Variants in CNTNAP2 observed in about 807,000 individuals in gnomAD.
The protein encoded by CNTNAP2 is contactin associated protein 2.
A neutral mutation model predicts 155.2 loss-of-function variants in CNTNAP2; 98 were observed. The observed-to-expected ratio is 0.63, with a 90% CI of 0.54 to 0.75. The LOEUF (loss-of-function observed/expected upper bound fraction) is 0.75, where lower values mean the gene tolerates loss of function less well. Among genes scored for constraint, CNTNAP2 ranks in the 30% least tolerant of loss-of-function variants. The pLI is 0.00. For synonymous variants in CNTNAP2, 651 were observed against 631.2 expected, an observed-to-expected ratio of 1.03 and a Z score of -0.47; for missense variants, 1,727 against 1,688.1, an observed-to-expected ratio of 1.02 and a Z score of -0.40.
At chr7:146,301,638 A>G (rs1380456492) in intron 1 of CNTNAP2, among the ~76,000 whole-genome samples, 2 of 151,502 alleles carry the variant, frequency 1.3e-5, no homozygotes, top group East Asian at 3.9e-4. Flanking sequence ...CAATAACAAC[A>G]ACAACAACAA....
chr7:146,679,088 A>G (rs1199996924), intron 1 of CNTNAP2, among the ~76,000 whole-genome samples: 2 of 152,112 alleles, frequency 1.3e-5, no homozygotes, highest in African/African-American at 2.4e-5. Context: ...GGCCTGTTGT[A>G]TAGATTATTT....
Position 146,116,953 on chromosome 7 carries a change from G to A in CNTNAP2, c.77G>A (p.Trp26Ter). ...WIVSSCLCRA[W>*]TAPSTSQKCD... ...GTCAGCAGCTGCCTCTGCAGAGCCT[G>A]GACGGCTCCCTCCACGTCCCGTAAG... Residue 26 changes from tryptophan (W) to a stop codon, truncating the protein, a stop_gained, in exon 1 of 24, where the codon TGG becomes TAG. Transcript: ENST00000361727. LOFTEE classifies it high-confidence loss of function. The surrounding 1 kb of genome is among the most constrained non-coding windows in gnomAD (Gnocchi z 5.5). The A allele has an allele frequency of 6.4e-7, 1 of 1,552,004 alleles. No individual in the cohort carries two copies. Among genetic ancestry groups the A allele is most frequent in the East Asian group, 2.4e-5 (1 of 41,012 alleles).
chr7:147,801,654 C>A (rs1171160190), intron 13 of CNTNAP2, among the ~76,000 whole-genome samples: 3 of 152,128 alleles, frequency 2.0e-5, no homozygotes, highest in African/African-American at 7.2e-5. Context: ...GGTCACCAAT[C>A]AACAGGATCC....
intron 1 of CNTNAP2, among the ~76,000 whole-genome samples, chr7:146,686,785 A>G (rs1052531321): frequency 3.3e-5 from 5 of 152,144 alleles, no homozygotes; most frequent in African/African-American, 1.2e-4. Context: ...AATGGCATAT[A>G]CAATTTCTAT....
chr7:148,245,737 A>T (rs1796250080), intron 20 of CNTNAP2, among the ~76,000 whole-genome samples: 1 of 152,186 alleles, frequency 6.6e-6, no homozygotes, highest in African/African-American at 2.4e-5. Context: ...AGGCTTCTGT[A>T]CTGAGAATTC....
At position 147,130,238 on chromosome 7, in the gene CNTNAP2, ACC is replaced by A. The variant is rs529923639; in HGVS notation, c.1083+1403_1083+1404del. Among the ~76,000 whole-genome samples, 561 of 152,200 alleles carry A rather than the reference ACC, an allele frequency of 3.7e-3. 4 individuals carry two copies. Among genetic ancestry groups the A allele is most frequent in the African/African-American group, 0.013 (543 of 41,534 alleles). On this transcript the variant is annotated intron_variant, in intron 7 of 23. Transcript: ENST00000361727. ...AGACCAGCCTGGGCAACATAGTGAGACCATGTCTCTACAACAAGTTAAGAAAA... is the reference window on the plus strand; with the variant it reads ...AGACCAGCCTGGGCAACATAGTGAGAATGTCTCTACAACAAGTTAAGAAAA...
chr7:147,766,224 A>T (rs1797381463), intron 13 of CNTNAP2, among the ~76,000 whole-genome samples: 1 of 152,206 alleles, frequency 6.6e-6, no homozygotes, highest in Admixed American at 6.5e-5. Context: ...TATGTAAATT[A>T]CACTTCAATA....
chr7:147,731,103 A>G (rs1246246074), intron 13 of CNTNAP2, among the ~76,000 whole-genome samples: 8 of 152,156 alleles, frequency 5.3e-5, no homozygotes, highest in Non-Finnish European at 1.2e-4. Flanking sequence ...TGAAAGTGCA[A>G]GGTGAAACAG....
At chr7:147,482,818 G>A (rs1271791509) in intron 10 of CNTNAP2, among the ~76,000 whole-genome samples, 1 of 152,022 alleles carries the variant, frequency 6.6e-6, no homozygotes, top group Non-Finnish European at 1.5e-5. Context: ...GGCTGAGGTG[G>A]GTGAATCACT....
chr7:147,726,554 C>G (rs1221460270), intron 13 of CNTNAP2, among the ~76,000 whole-genome samples: 1 of 151,954 alleles, frequency 6.6e-6, no homozygotes, highest in African/African-American at 2.4e-5. Context: ...CAAGAGCTGA[C>G]CAATAACTGC....
intron 15 of CNTNAP2, among the ~76,000 whole-genome samples, chr7:148,021,378 A>G (rs77348847): frequency 0.011 from 1,669 of 152,318 alleles, 13 homozygotes; most frequent in Non-Finnish European, 0.018. Context: ...TAAGTAAAAT[A>G]AAATGTGAGC....
At chr7:146,505,317 C>A (rs1433354814) in intron 1 of CNTNAP2, among the ~76,000 whole-genome samples, 1 of 152,168 alleles carries the variant, frequency 6.6e-6, no homozygotes, top group African/African-American at 2.4e-5. Context: ...AACCTATGGT[C>A]TAAATGACAA....
chr7:146,498,572 C>T (rs921204748), intron 1 of CNTNAP2, among the ~76,000 whole-genome samples: 9 of 151,834 alleles, frequency 5.9e-5, no homozygotes, highest in African/African-American at 9.7e-5. Flanking sequence ...TTTTCAATTC[C>T]GTTTACAATC....
In CNTNAP2 at chr7:146,562,121, C is replaced by G. The variant is rs180934216; in HGVS notation, c.98-212150C>G. Among the ~76,000 whole-genome samples, 557 of 152,232 alleles carry G rather than the reference C, an allele frequency of 3.7e-3. 2 individuals carry two copies. The highest frequency in any genetic ancestry group is 0.013 in the African/African-American group (527 of 41,560). ...ATTTTTGAATCTCCTTAACTTGTTT[C>G]TAAATCACCACTCTTATTTCCACTG... On this transcript the variant is annotated intron_variant, in intron 1 of 23. Coordinates refer to ENST00000361727, the MANE Select transcript of CNTNAP2 (RefSeq NM_014141.6).
intron 9 of CNTNAP2, among the ~76,000 whole-genome samples, chr7:147,312,469 T>A (rs930472258): frequency 7.4e-6 from 1 of 135,998 alleles, no homozygotes; most frequent in Admixed American, 7.7e-5. Flanking sequence ...TGTCCATGTG[T>A]TCTCATTGTT....
chr7:148,264,914 C>T (rs1796640071), intron 20 of CNTNAP2, among the ~76,000 whole-genome samples: 1 of 152,012 alleles, frequency 6.6e-6, no homozygotes, highest in Non-Finnish European at 1.5e-5. Context: ...AGGATGGTCT[C>T]GATCTCTTGA....
intron 3 of CNTNAP2, among the ~76,000 whole-genome samples, chr7:146,892,404 C>T (rs1233437759): frequency 6.6e-6 from 1 of 152,084 alleles, no homozygotes; most frequent in Non-Finnish European, 1.5e-5. Flanking sequence ...GCCACAAAGC[C>T]AGCTCAGTTT....
At chr7:147,419,139 T>C (rs1486525666) in intron 10 of CNTNAP2, among the ~76,000 whole-genome samples, 1 of 152,150 alleles carries the variant, frequency 6.6e-6, no homozygotes, top group Non-Finnish European at 1.5e-5. Flanking sequence ...TATAAGCAAG[T>C]CAGTAAGAGC....
At chr7:146,246,757 T>G (rs1267066143) in intron 1 of CNTNAP2, among the ~76,000 whole-genome samples, 2 of 152,128 alleles carry the variant, frequency 1.3e-5, no homozygotes, top group Non-Finnish European at 2.9e-5. Flanking sequence ...TTTCTAGTGG[T>G]GTCCTGCACA....
Sources: gnomAD v4.1 joint callset for allele counts (sites outside exome capture counted in the v4.1 genomes callset) on GRCh38, gnomAD v4.1.1 for gene constraint, Gnocchi (gnomAD v3.1) non-coding constraint, MANE v1.5 for transcripts, NCBI Gene and HGNC (gene_info 2026-07-23, HGNC 2026-07-21) for gene names.